Variants in FUT9 observed in about 807,000 individuals in gnomAD.
The protein encoded by FUT9 is 4-galactosyl-N-acetylglucosaminide 3-alpha-L-fucosyltransferase 9.
Under a neutral mutation model 29.7 loss-of-function variants are expected in FUT9, and 15 were observed. The observed-to-expected ratio is 0.51, with a 90% CI of 0.34 to 0.78. FUT9 has a LOEUF of 0.78. Among genes scored for constraint, FUT9 ranks in the 30% least tolerant of loss-of-function variants. The pLI is 0.01. For missense variants in FUT9, 319 were observed against 425.4 expected, an observed-to-expected ratio of 0.75 and a Z score of 2.20; for synonymous variants, 169 against 153.7, an observed-to-expected ratio of 1.10 and a Z score of -0.74.
At chr6:96,024,755 T>A (rs1770134486) in intron 1 of FUT9, among the ~76,000 whole-genome samples, 2 of 151,796 alleles carry the variant, frequency 1.3e-5, no homozygotes, top group Non-Finnish European at 1.5e-5. Flanking sequence ...TTACCTAGGT[T>A]TCTTTGGGTC....
rs1469117917 is a variant in FUT9 at position 96,206,147 on chromosome 6, A to C, written c.*1912A>C. The C allele has an allele frequency of 6.0e-6, 1 of 167,050 alleles. No individual in the cohort carries two copies. The highest frequency in any genetic ancestry group is 1.5e-5 in the Non-Finnish European group (1 of 68,096). The allele number at this position is 167,050 out of a possible 1,614,324, so 10.3% of individuals were successfully genotyped here. Reference sequence around the variant, plus strand: ...GTTTGTATGGGTCAATGCTGATTTAATGGGGAAAAAAAGTAGAAAATTTCC... The same window carrying C: ...GTTTGTATGGGTCAATGCTGATTTACTGGGGAAAAAAAGTAGAAAATTTCC... On this transcript the variant is annotated 3_prime_UTR_variant, in exon 3 of 3. Coordinates refer to ENST00000302103, the MANE Select transcript of FUT9 (RefSeq NM_006581.4).
chr6:96,152,115 T>C (rs9404308), intron 2 of FUT9, among the ~76,000 whole-genome samples: 26,552 of 152,128 alleles, frequency 0.17, 2,665 homozygotes, highest in East Asian at 0.24. Flanking sequence ...TGAGAAACCA[T>C]AGGGAAGGAG....
At chr6:96,115,449 A>T (rs1242136505) in intron 2 of FUT9, among the ~76,000 whole-genome samples, 1 of 152,214 alleles carries the variant, frequency 6.6e-6, no homozygotes, top group Non-Finnish European at 1.5e-5. Context: ...TAGACTTCAT[A>T]AAATTTACAG....
chr6:96,089,096 GA>G (rs751319071), intron 1 of FUT9, among the ~76,000 whole-genome samples: 1 of 152,100 alleles, frequency 6.6e-6, no homozygotes, highest in Non-Finnish European at 1.5e-5. Context: ...TCTTTGATCG[GA>G]ATACAAACTA....
In FUT9 at chr6:96,215,410, C is replaced by T. The variant is rs1774018585; in HGVS notation, c.*11175C>T. ...AGCAATATGTACTAAGATTCCAAGG[C>T]AGAAATAAATGTATAAAGGATTTGA... is the stretch of plus-strand genomic sequence containing the variant. On this transcript the variant is annotated 3_prime_UTR_variant, in exon 3 of 3. Coordinates refer to ENST00000302103, the MANE Select transcript of FUT9 (RefSeq NM_006581.4). The T allele has an allele frequency of 6.0e-6, 1 of 166,752 alleles. No homozygotes were observed. Among genetic ancestry groups the T allele is most frequent in the African/African-American group, 2.4e-5 (1 of 41,422 alleles). The allele number at this position is 166,752 out of a possible 1,614,324, so 10.3% of individuals were successfully genotyped here.
At chr6:96,094,053 CTG>C (rs1771456522) in intron 1 of FUT9, among the ~76,000 whole-genome samples, 2 of 152,244 alleles carry the variant, frequency 1.3e-5, no homozygotes, top group South Asian at 4.1e-4. Flanking sequence ...TGATGCTGCT[CTG>C]TGAAAGATTC....
chr6:96,061,540 C>A (rs1770874520), intron 1 of FUT9, among the ~76,000 whole-genome samples: 1 of 151,744 alleles, frequency 6.6e-6, no homozygotes. Flanking sequence ...GGTTGGTAAA[C>A]TCCTTCTTAA....
chr6:96,040,335 ATG>A (rs1046672855), intron 1 of FUT9, among the ~76,000 whole-genome samples: 4 of 152,188 alleles, frequency 2.6e-5, no homozygotes, highest in African/African-American at 9.7e-5. Flanking sequence ...TAGTGCAGTC[ATG>A]TGGTCTAAAA....
intron 1 of FUT9, among the ~76,000 whole-genome samples, chr6:96,051,984 A>G (rs1462608709): frequency 1.3e-5 from 2 of 152,120 alleles, no homozygotes; most frequent in Non-Finnish European, 2.9e-5. Flanking sequence ...TTAAGCTGCT[A>G]TGAAGAAATA....
chr6:96,165,639 C>T (rs1773002186), intron 2 of FUT9, among the ~76,000 whole-genome samples: 2 of 152,012 alleles, frequency 1.3e-5, no homozygotes, highest in South Asian at 2.1e-4. Flanking sequence ...ACTTGAGTCT[C>T]GCTCTGTCAT....
chr6:96,181,560 C>G (rs530312532), intron 2 of FUT9, among the ~76,000 whole-genome samples: 1 of 137,766 alleles, frequency 7.3e-6, no homozygotes, highest in Non-Finnish European at 1.6e-5. Context: ...TACACTGCAC[C>G]CTATTTGTAG....
intron 2 of FUT9, among the ~76,000 whole-genome samples, chr6:96,160,379 A>G (rs902487973): frequency 6.6e-6 from 1 of 152,190 alleles, no homozygotes; most frequent in Non-Finnish European, 1.5e-5. Flanking sequence ...TTTGCAGAAT[A>G]AATAGCTTTG....
intron 2 of FUT9, among the ~76,000 whole-genome samples, chr6:96,187,883 A>T (rs886644640): frequency 6.6e-6 from 1 of 152,168 alleles, no homozygotes; most frequent in South Asian, 2.1e-4. Context: ...AAAGCAGCAC[A>T]TAAGGAATTT....
chr6:96,145,350 C>T (rs1772546990), intron 2 of FUT9, among the ~76,000 whole-genome samples: 1 of 152,144 alleles, frequency 6.6e-6, no homozygotes, highest in African/African-American at 2.4e-5. Flanking sequence ...GCCACTGTGC[C>T]CAGTCTTGTC....
At chr6:96,102,061 T>TCAATAAAACA (rs1241626679) in intron 1 of FUT9, among the ~76,000 whole-genome samples, 1 of 152,152 alleles carries the variant, frequency 6.6e-6, no homozygotes, top group Admixed American at 6.5e-5. Flanking sequence ...AGAGGTTATT[T>TCAATAAAACA]CAATAAAACA....
intron 1 of FUT9, among the ~76,000 whole-genome samples, chr6:96,077,711 C>T (rs760588901): frequency 5.3e-5 from 8 of 152,098 alleles, no homozygotes; most frequent in Admixed American, 2.6e-4. Context: ...TGGAGCATAT[C>T]CTACAATAAC....
intron 2 of FUT9, among the ~76,000 whole-genome samples, chr6:96,155,482 G>A (rs769090815): frequency 2.0e-5 from 3 of 151,864 alleles, no homozygotes; most frequent in Non-Finnish European, 2.9e-5. Context: ...GACTATCCTG[G>A]CTAACATGGT....
intron 1 of FUT9, among the ~76,000 whole-genome samples, chr6:96,081,123 T>C (rs1582216694): frequency 2.0e-5 from 3 of 151,826 alleles, no homozygotes. Flanking sequence ...ATCTGTAAAA[T>C]ATTTCATGAA....
chr6:96,055,703 CTTTTTCTTTTTTTTT>C (rs1238263774), intron 1 of FUT9, among the ~76,000 whole-genome samples: 1 of 103,644 alleles, frequency 9.6e-6, no homozygotes, highest in Non-Finnish European at 1.8e-5. Flanking sequence ...TTTTCTATTT[CTTTTTCTTTTTTTTT>C]TTTTTTCCTA....
Sources: allele counts gnomAD v4.1 joint callset (sites outside exome capture counted in the v4.1 genomes callset), GRCh38; gene constraint gnomAD v4.1.1; transcripts MANE v1.5; gene names NCBI Gene and HGNC (gene_info 2026-07-23, HGNC 2026-07-21).